The following USP10 variants were observed in gnomAD, a reference collection of about 807,000 sequenced individuals.
USP10 encodes the protein ubiquitin specific peptidase 10, also known as ubiquitin carboxyl-terminal hydrolase 10.
USP10 carries 22 observed loss-of-function variants against 84.5 expected under a neutral mutation model. The ratio of observed to expected loss-of-function variants is 0.26; its 90% CI spans 0.19 to 0.37. The LOEUF (loss-of-function observed/expected upper bound fraction) is 0.37, where lower values mean the gene tolerates loss of function less well. Among genes scored for constraint, USP10 ranks in the 10% least tolerant of loss-of-function variants. The pLI is 1.00. For synonymous variants in USP10, 454 were observed against 387.6 expected, an observed-to-expected ratio of 1.17 and a Z score of -2.01; for missense variants, 1,019 against 998.9, an observed-to-expected ratio of 1.02 and a Z score of -0.27.
At chr16:84,760,399 A>T (rs912678352) in intron 8 of USP10, 124 bp downstream of exon 8, 6 of 797,806 alleles carry the variant, frequency 7.5e-6, no homozygotes, top group Non-Finnish European at 8.1e-6. Flanking sequence ...GTAGGTTTAT[A>T]AGAGTCCATT....
chr16:84,732,996 T>C (rs1308145736), intron 1 of USP10: 1 of 428,158 alleles, frequency 2.3e-6, no homozygotes, highest in East Asian at 7.0e-5. Context: ...ATTAACATTT[T>C]CCTTTTTTGG....
intron 2 of USP10, among the ~76,000 whole-genome samples, chr16:84,735,975 T>A (rs1909878942): frequency 6.6e-6 from 1 of 151,706 alleles, no homozygotes; most frequent in African/African-American, 2.4e-5. Context: ...CCTGTGGGTG[T>A]GTGAGTGGCG....
At chr16:84,748,279 A>G (rs924167217) in intron 4 of USP10, among the ~76,000 whole-genome samples, 1 of 151,856 alleles carries the variant, frequency 6.6e-6, no homozygotes, top group Non-Finnish European at 1.5e-5. Flanking sequence ...TGTGCATTCT[A>G]AGTTCGAAGT....
chr16:84,775,717 A>T lies in USP10; in HGVS notation c.2209+492A>T, dbSNP rs115275914. On this transcript the variant is annotated intron_variant, in intron 13 of 13. Coordinates refer to ENST00000219473, the MANE Select transcript of USP10 (RefSeq NM_005153.3). ...TCGGCTGCCAGGCCCTCAGTCAGTC[A>T]TGAGAAATCTCCCAACAGGGTGAAT... is the stretch of plus-strand genomic sequence containing the variant. 6.4e-3 allele frequency among the ~76,000 whole-genome samples: 977 copies of T among 152,314 alleles called. 13 individuals are homozygous for T. The highest frequency in any genetic ancestry group is 0.023 in the African/African-American group (941 of 41,568).
intron 1 of USP10, among the ~76,000 whole-genome samples, chr16:84,731,324 C>T (rs1044397524): frequency 1.4e-4 from 21 of 151,480 alleles, no homozygotes; most frequent in East Asian, 3.9e-4. Flanking sequence ...AGCAGGGCTA[C>T]GCCATAGGCA....
intron 1 of USP10, among the ~76,000 whole-genome samples, chr16:84,713,300 C>G (rs974508653): frequency 1.5e-4 from 23 of 152,172 alleles, no homozygotes; most frequent in African/African-American, 5.3e-4. Context: ...GGCTCGCCCC[C>G]TTTGTCCCTG....
At chr16:84,727,426 C>T (rs1908637034) in intron 1 of USP10, among the ~76,000 whole-genome samples, 1 of 152,070 alleles carries the variant, frequency 6.6e-6, no homozygotes, top group Non-Finnish European at 1.5e-5. Context: ...AGGTTTTCCT[C>T]ATAACCTCAC....
At chr16:84,711,095 A>T (rs940994425) in intron 1 of USP10, among the ~76,000 whole-genome samples, 1 of 152,128 alleles carries the variant, frequency 6.6e-6, no homozygotes, top group African/African-American at 2.4e-5. Context: ...ACATTTTGCC[A>T]CTTTGAAGAG....
intron 2 of USP10, among the ~76,000 whole-genome samples, chr16:84,737,138 A>G (rs1028389640): frequency 3.3e-5 from 5 of 152,178 alleles, no homozygotes; most frequent in African/African-American, 9.7e-5. Flanking sequence ...GGTTCAGGAG[A>G]GTCTTTGAGA....
At chr16:84,778,791 G>C (rs1915281117) in intron 13 of USP10, 104 bp from the exon 14 acceptor site, 2 of 1,119,666 alleles carry the variant, frequency 1.8e-6, no homozygotes, top group Admixed American at 2.5e-5. Flanking sequence ...TTTGGAGAGG[G>C]GTTTTACACA....
intron 1 of USP10, among the ~76,000 whole-genome samples, chr16:84,701,625 A>C (rs1178094329): frequency 6.6e-6 from 1 of 152,234 alleles, no homozygotes; most frequent in East Asian, 1.9e-4. Flanking sequence ...ATCTTTAGGC[A>C]TAGCTCACTT....
intron 1 of USP10, among the ~76,000 whole-genome samples, chr16:84,718,917 C>T (rs1322913965): frequency 1.3e-5 from 2 of 151,724 alleles, no homozygotes; most frequent in African/African-American, 4.8e-5. Context: ...CTTAGCCTCC[C>T]GAGTAGCTGA....
rs990313326 is a variant in USP10, at chr16:84,734,685, G to A, written c.90+1182G>A. On this transcript the variant is annotated intron_variant, in intron 2 of 13. Coordinates refer to ENST00000219473, the MANE Select transcript of USP10 (RefSeq NM_005153.3). ...TTTCCTTATAGTTTGTGGATTTTTA[G>A]TTTTAAAAATATCTTTAGGAAATTC... Among the ~76,000 whole-genome samples the A allele has an allele frequency of 2.6e-5, 4 of 152,008 alleles. No homozygotes were observed. The East Asian group carries it at 7.7e-4, about 29-fold the overall frequency.
At chr16:84,760,013 T>G in intron 7 of USP10, 67 bp downstream of exon 7, 1 of 1,589,004 alleles carries the variant, frequency 6.3e-7, no homozygotes, top group Non-Finnish European at 8.6e-7. Context: ...TGACTTAAAT[T>G]TGGTAAATTC....
chr16:84,731,422 C>G (rs1052881376), intron 1 of USP10, among the ~76,000 whole-genome samples: 1 of 152,030 alleles, frequency 6.6e-6, no homozygotes, highest in Non-Finnish European at 1.5e-5. Context: ...TTGCATTAAA[C>G]TTCACAGCTG....
chr16:84,704,312 G>A (rs1312619106), intron 1 of USP10, among the ~76,000 whole-genome samples: 1 of 152,214 alleles, frequency 6.6e-6, no homozygotes, highest in Non-Finnish European at 1.5e-5. Flanking sequence ...AGTGGGAAGA[G>A]CTTGCTTTTG....
intron 10 of USP10, 148 bp downstream of exon 10, chr16:84,764,411 C>T: frequency 9.1e-7 from 1 of 1,098,124 alleles, no homozygotes. Context: ...CTTGCACTTC[C>T]TGATGCTTCC....
At position 84,700,055 on chromosome 16, in the gene USP10, C is replaced by T. The variant is rs771119942; in HGVS notation, c.-36C>T. ...GCGGCGGGGGAAGCAGCGTGAGCAG[C>T]CGGAGGATCGCGGAGTCCCAATGAA... On this transcript the variant is annotated 5_prime_UTR_variant, in exon 1 of 14. Transcript: ENST00000219473. The T allele has an allele frequency of 1.5e-6, 2 of 1,364,800 alleles. No homozygotes were observed. The highest frequency in any genetic ancestry group is 1.5e-5 in the African/African-American group (1 of 64,714). The allele number at this position is 1,364,800 out of a possible 1,614,324, so 84.5% of individuals were successfully genotyped here.
intron 2 of USP10, among the ~76,000 whole-genome samples, chr16:84,738,656 C>T (rs969190404): frequency 7.2e-5 from 11 of 152,146 alleles, no homozygotes; most frequent in Non-Finnish European, 1.3e-4. Flanking sequence ...TACTAGGTTG[C>T]CCCCTGGTGG....
Sources: gnomAD v4.1 joint callset for allele counts (sites outside exome capture counted in the v4.1 genomes callset) on GRCh38, gnomAD v4.1.1 for gene constraint, MANE v1.5 for transcripts, NCBI Gene and HGNC (gene_info 2026-07-23, HGNC 2026-07-21) for gene names.